Variants in CNTNAP5 observed in about 807,000 individuals in gnomAD.
The protein encoded by CNTNAP5 is contactin associated protein family member 5.
A neutral mutation model predicts 150.2 loss-of-function variants in CNTNAP5; 72 were observed. That is an observed-to-expected ratio of 0.48 (90% confidence interval 0.40 to 0.58). CNTNAP5 has a LOEUF of 0.58. Ranked by LOEUF, CNTNAP5 falls within the 20% of genes least tolerant of loss-of-function variation. CNTNAP5 has a pLI of 0.00. For missense variants in CNTNAP5, 1,636 were observed against 1,626.2 expected, an observed-to-expected ratio of 1.01 and a Z score of -0.10; for synonymous variants, 672 against 619.8, an observed-to-expected ratio of 1.08 and a Z score of -1.25.
intron 5 of CNTNAP5, among the ~76,000 whole-genome samples, chr2:124,445,256 ATT>A (rs879888877): frequency 6.8e-6 from 1 of 146,302 alleles, no homozygotes; most frequent in Non-Finnish European, 1.5e-5. Context: ...TGCCTGGCTA[ATT>A]TTTTTTTTTC....
At chr2:124,382,244 C>T (rs1279767714) in intron 3 of CNTNAP5, among the ~76,000 whole-genome samples, 4 of 152,078 alleles carry the variant, frequency 2.6e-5, no homozygotes, top group African/African-American at 4.8e-5. Flanking sequence ...AGAAGGTAGT[C>T]TATGCGCTCA....
intron 13 of CNTNAP5, among the ~76,000 whole-genome samples, chr2:124,707,018 GAGA>G (rs200269843): frequency 0.29 from 21,541 of 74,142 alleles, 4,895 homozygotes; most frequent in East Asian, 0.85. Flanking sequence ...GGAGGAGGAG[GAGA>G]AGAAGAAGAA....
chr2:124,078,126 A>T (rs1260085417), intron 1 of CNTNAP5, among the ~76,000 whole-genome samples: 1 of 152,244 alleles, frequency 6.6e-6, no homozygotes, highest in Non-Finnish European at 1.5e-5. Context: ...CCTTGAAAGG[A>T]CAACAATTCT....
At chr2:124,619,366 G>A (rs886122078) in intron 12 of CNTNAP5, among the ~76,000 whole-genome samples, 2 of 152,108 alleles carry the variant, frequency 1.3e-5, no homozygotes, top group Non-Finnish European at 2.9e-5. Context: ...TGGAGAAAGA[G>A]CAGGTCACAG....
Position 124,213,039 on chromosome 2 carries a change from C to T in CNTNAP5, c.83-8666C>T, listed in dbSNP as rs1573840151. On this transcript the variant is annotated intron_variant, in intron 1 of 23. Coordinates refer to ENST00000682447, the MANE Select transcript of CNTNAP5 (RefSeq NM_001367498.1). ...ATTTTTAGTAGAGACCGGGTTTCACCGTGTTAGCCAGGATGGTCTCGATCT... is the reference window on the plus strand; with the variant it reads ...ATTTTTAGTAGAGACCGGGTTTCACTGTGTTAGCCAGGATGGTCTCGATCT... Among the ~76,000 whole-genome samples, 8 of 151,914 alleles carry T rather than the reference C, an allele frequency of 5.3e-5. No homozygotes were observed. The South Asian group carries it at 1.2e-3, about 24-fold the overall frequency.
At chr2:124,309,000 C>T (rs1049968789) in intron 3 of CNTNAP5, among the ~76,000 whole-genome samples, 1 of 152,098 alleles carries the variant, frequency 6.6e-6, no homozygotes, top group African/African-American at 2.4e-5. Flanking sequence ...TGTGCCAAGA[C>T]CCCCATGGAT....
intron 3 of CNTNAP5, among the ~76,000 whole-genome samples, chr2:124,313,125 C>A (rs929052592): frequency 2.0e-5 from 3 of 152,240 alleles, no homozygotes; most frequent in Non-Finnish European, 4.4e-5. Context: ...TCATGTTTCT[C>A]ACTTAACCCT....
intron 1 of CNTNAP5, among the ~76,000 whole-genome samples, chr2:124,032,317 G>GA (rs1681075768): frequency 6.6e-6 from 1 of 151,996 alleles, no homozygotes; most frequent in African/African-American, 2.4e-5. Flanking sequence ...AAGGATAGAA[G>GA]AAAAAATTAG....
chr2:124,564,812 G>A (rs1042437660), intron 11 of CNTNAP5, among the ~76,000 whole-genome samples: 1 of 152,202 alleles, frequency 6.6e-6, no homozygotes, highest in Non-Finnish European at 1.5e-5. Context: ...GTCTGGAATT[G>A]CAGAGCATTT....
intron 12 of CNTNAP5, among the ~76,000 whole-genome samples, chr2:124,622,114 C>T (rs564164071): frequency 6.6e-6 from 1 of 151,894 alleles, no homozygotes; most frequent in South Asian, 2.1e-4. Context: ...TGCTCTCCCA[C>T]CCCCGAACCC....
chr2:124,905,038 CAAAAAAAA>C (rs55882801), intron 22 of CNTNAP5, among the ~76,000 whole-genome samples: 7 of 50,748 alleles, frequency 1.4e-4, no homozygotes, highest in Non-Finnish European at 3.0e-4. Context: ...AACTCAATAG[CAAAAAAAA>C]AAAAAAAAAG....
chr2:124,168,581 C>G (rs1684859593), intron 1 of CNTNAP5, among the ~76,000 whole-genome samples: 1 of 152,134 alleles, frequency 6.6e-6, no homozygotes, highest in Non-Finnish European at 1.5e-5. Context: ...CCCCTTAATA[C>G]TTTCAAATAT....
At chr2:124,558,269 G>A (rs4848247) in intron 10 of CNTNAP5, among the ~76,000 whole-genome samples, 133,707 of 152,208 alleles carry the variant, frequency 0.88, 60,768 homozygotes, top group Non-Finnish European at 0.99. Context: ...AGGCCCAGCC[G>A]GCAGGAATTG....
At chr2:124,845,227 A>G (rs1187498765) in intron 19 of CNTNAP5, among the ~76,000 whole-genome samples, 1 of 152,006 alleles carries the variant, frequency 6.6e-6, no homozygotes, top group Non-Finnish European at 1.5e-5. Flanking sequence ...TTCTGCATCT[A>G]TTGAGATCAT....
chr2:124,390,421 C>T (rs1006562426), intron 3 of CNTNAP5, among the ~76,000 whole-genome samples: 8 of 152,176 alleles, frequency 5.3e-5, no homozygotes, highest in African/African-American at 1.9e-4. Flanking sequence ...CATGACAGCC[C>T]ACCTGTCCCT....
intron 12 of CNTNAP5, among the ~76,000 whole-genome samples, chr2:124,620,987 C>T (rs909235355): frequency 1.3e-5 from 2 of 152,114 alleles, no homozygotes; most frequent in Non-Finnish European, 2.9e-5. Context: ...CATGAGATTT[C>T]AGAGGCTCTT....
chr2:124,396,025 ATGTGTCT>A (rs1691234521), intron 3 of CNTNAP5, among the ~76,000 whole-genome samples: 1 of 152,206 alleles, frequency 6.6e-6, no homozygotes, highest in South Asian at 2.1e-4. Context: ...ACTGCATGTA[ATGTGTCT>A]GGCCAATGAC....
rs529296355 is a variant in CNTNAP5, at chr2:124,475,190, C to T, written c.1062+308C>T. ...TGGGACAACATGAATTTTTTATTAT[C>T]TCTGGAATATGAAACAAGAAAACCA... On this transcript the variant is annotated intron_variant, in intron 7 of 23. Transcript: ENST00000682447. Among the ~76,000 whole-genome samples the T allele has an allele frequency of 5.9e-5, 9 of 151,594 alleles. No individual in the cohort carries two copies. The East Asian group carries it at 1.8e-3, about 29-fold the overall frequency.
At chr2:124,296,653 TG>T (rs1688437690) in intron 3 of CNTNAP5, among the ~76,000 whole-genome samples, 1 of 152,156 alleles carries the variant, frequency 6.6e-6, no homozygotes, top group Admixed American at 6.5e-5. Flanking sequence ...CAAGACCACG[TG>T]TGTGGTAGTG....
Sources: gnomAD v4.1 joint callset for allele counts (sites outside exome capture counted in the v4.1 genomes callset) on GRCh38, gnomAD v4.1.1 for gene constraint, MANE v1.5 for transcripts, NCBI Gene and HGNC (gene_info 2026-07-23, HGNC 2026-07-21) for gene names.